Variants in WWOX observed in about 807,000 individuals in gnomAD.
WWOX encodes WW domain containing oxidoreductase.
A neutral mutation model predicts 46.2 loss-of-function variants in WWOX; 69 were observed. The ratio of observed to expected loss-of-function variants is 1.49; its 90% CI spans 1.23 to 1.82. The LOEUF is 1.82. WWOX is among the 40% of genes most tolerant of loss of function. WWOX has a pLI of 0.00. For synonymous variants in WWOX, 359 were observed against 202.6 expected, an observed-to-expected ratio of 1.77 and a Z score of -6.56; for missense variants, 919 against 542.6, an observed-to-expected ratio of 1.69 and a Z score of -6.89.
At chr16:78,333,739 A>G (rs922657485) in intron 5 of WWOX, among the ~76,000 whole-genome samples, 4 of 152,240 alleles carry the variant, frequency 2.6e-5, no homozygotes, top group Non-Finnish European at 4.4e-5. Flanking sequence ...TAAAATTTCA[A>G]ATGGTTCCTC....
intron 5 of WWOX, among the ~76,000 whole-genome samples, chr16:78,250,750 G>A (rs765151627): frequency 4.6e-5 from 7 of 152,134 alleles, no homozygotes; most frequent in Non-Finnish European, 4.4e-5. Flanking sequence ...AGGCTGGACA[G>A]GATATCCACC....
At chr16:79,118,787 A>T (rs1437946851) in intron 8 of WWOX, among the ~76,000 whole-genome samples, 1 of 152,166 alleles carries the variant, frequency 6.6e-6, no homozygotes, top group Non-Finnish European at 1.5e-5. Flanking sequence ...CCATACGCCC[A>T]TTTGGCACAT....
intron 5 of WWOX, among the ~76,000 whole-genome samples, chr16:78,177,826 A>G (rs756545886): frequency 4.6e-5 from 7 of 152,314 alleles, no homozygotes; most frequent in East Asian, 1.9e-4. Flanking sequence ...CCTGTTGGCC[A>G]TGGTCCTGGG....
At chr16:78,720,980 G>A (rs574160950) in intron 8 of WWOX, among the ~76,000 whole-genome samples, 3 of 152,216 alleles carry the variant, frequency 2.0e-5, no homozygotes, top group East Asian at 3.9e-4. Flanking sequence ...AATCACCACC[G>A]TGCCTGGAGA....
intron 8 of WWOX, among the ~76,000 whole-genome samples, chr16:79,052,063 AG>A (rs1482797461): frequency 1.3e-5 from 2 of 148,210 alleles, no homozygotes; most frequent in African/African-American, 5.0e-5. Flanking sequence ...TTATACTTTA[AG>A]TTTTAGGGTA....
At chr16:78,789,766 C>T (rs994300073) in intron 8 of WWOX, among the ~76,000 whole-genome samples, 2 of 152,164 alleles carry the variant, frequency 1.3e-5, no homozygotes, top group Non-Finnish European at 2.9e-5. Flanking sequence ...CTCCCAAACA[C>T]CATGACATAC....
At chr16:78,772,212 G>T (rs930299904) in intron 8 of WWOX, among the ~76,000 whole-genome samples, 4 of 152,122 alleles carry the variant, frequency 2.6e-5, no homozygotes, top group East Asian at 1.9e-4. Flanking sequence ...CCCTCAGGCA[G>T]GCCCCAGTGT....
chr16:78,894,027 T>TTATTATTATTAG (rs1360984423), intron 8 of WWOX, among the ~76,000 whole-genome samples: 1 of 144,880 alleles, frequency 6.9e-6, no homozygotes, highest in Non-Finnish European at 1.5e-5. Flanking sequence ...GCTTTTATTA[T>TTATTATTATTAG]TATTATTATT....
At chr16:78,643,136 TCCAGA>T in intron 8 of WWOX, among the ~76,000 whole-genome samples, 1 of 152,318 alleles carries the variant, frequency 6.6e-6, no homozygotes, top group Non-Finnish European at 1.5e-5. Flanking sequence ...TATGCAGCTA[TCCAGA>T]CCCAAGAGGA....
At chr16:78,843,215 T>G (rs929621504) in intron 8 of WWOX, among the ~76,000 whole-genome samples, 1 of 150,158 alleles carries the variant, frequency 6.7e-6, no homozygotes, top group African/African-American at 2.4e-5. Context: ...AAGCAAAGAT[T>G]AGAACGTTGA....
chr16:78,945,324 C>G (rs926753238), intron 8 of WWOX, among the ~76,000 whole-genome samples: 2 of 152,152 alleles, frequency 1.3e-5, no homozygotes, highest in African/African-American at 2.4e-5. Flanking sequence ...TTTGATTGAT[C>G]TTCTTAAATG....
At chr16:78,851,951 G>T (rs1210292308) in intron 8 of WWOX, among the ~76,000 whole-genome samples, 1 of 152,216 alleles carries the variant, frequency 6.6e-6, no homozygotes, top group South Asian at 2.1e-4. Flanking sequence ...CTTGGTTTCT[G>T]TACCTGTAAT....
intron 8 of WWOX, among the ~76,000 whole-genome samples, chr16:78,743,924 G>A (rs552174903): frequency 6.6e-6 from 1 of 152,014 alleles, no homozygotes; most frequent in South Asian, 2.1e-4. Context: ...CTCTATGCTT[G>A]GGCTGCTCCC....
chr16:78,513,195 C>T (rs1439915368), intron 8 of WWOX, among the ~76,000 whole-genome samples: 1 of 152,060 alleles, frequency 6.6e-6, no homozygotes, highest in African/African-American at 2.4e-5. Flanking sequence ...TGGAAGGAGA[C>T]AGGATATGAA....
At position 78,432,690 on chromosome 16, in the gene WWOX, C is replaced by T. The variant is rs923399366; in HGVS notation, c.994C>T (p.His332Tyr). The change falls in exon 8 of 9, where the codon CAT becomes TAT. Residue 332 changes from histidine to tyrosine, a missense_variant. By Grantham distance (83) the His-to-Tyr change is moderately conservative. Coordinates refer to ENST00000566780, the MANE Select transcript of WWOX (RefSeq NM_016373.4). The stretch of plus-strand genomic sequence containing the variant: ...TGGAAATATGATGTACTCCAACATT[C>T]ATCGCAGCTGGTGGGTGTACACACT... Reference protein sequence around the residue: ...HPGNMMYSNIHRSWWVYTLLF... With the variant: ...HPGNMMYSNIYRSWWVYTLLF... 3.7e-6 allele frequency: 6 copies of T among 1,614,188 alleles called. No individual in the cohort carries two copies. The South Asian group carries it at 5.5e-5, about 15-fold the overall frequency.
chr16:78,100,771 C>G (rs994471484), intron 1 of WWOX, among the ~76,000 whole-genome samples: 1 of 152,212 alleles, frequency 6.6e-6, no homozygotes, highest in Non-Finnish European at 1.5e-5. Context: ...CTCTCTGTTC[C>G]TTAACTGTCG....
chr16:78,907,183 G>A (rs553795156), intron 8 of WWOX, among the ~76,000 whole-genome samples: 6 of 152,236 alleles, frequency 3.9e-5, no homozygotes, highest in East Asian at 1.9e-4. Flanking sequence ...GGCTGTGGAT[G>A]CAATCATAGG....
intron 4 of WWOX, among the ~76,000 whole-genome samples, chr16:78,158,399 A>G (rs974921065): frequency 6.6e-6 from 1 of 152,066 alleles, no homozygotes; most frequent in Non-Finnish European, 1.5e-5. Flanking sequence ...AAAATATGGT[A>G]TTTTTTAGTT....
At chr16:78,231,590 T>C (rs1357278816) in intron 5 of WWOX, among the ~76,000 whole-genome samples, 2 of 152,212 alleles carry the variant, frequency 1.3e-5, no homozygotes, top group African/African-American at 4.8e-5. Flanking sequence ...TTTTTGTCTT[T>C]ATGGTGTTTT....
Sources: gnomAD v4.1 joint callset for allele counts (sites outside exome capture counted in the v4.1 genomes callset) on GRCh38, gnomAD v4.1.1 for gene constraint, MANE v1.5 for transcripts, NCBI Gene and HGNC (gene_info 2026-07-23, HGNC 2026-07-21) for gene names.